Variants in GRIP2 observed in about 807,000 individuals in gnomAD.
GRIP2 encodes the protein glutamate receptor-interacting protein 2.
GRIP2 carries 58 observed loss-of-function variants against 108.3 expected under a neutral mutation model. That is an observed-to-expected ratio of 0.54 (90% CI 0.43 to 0.67). The LOEUF (loss-of-function observed/expected upper bound fraction) is 0.67, where lower values mean the gene tolerates loss of function less well. Ranked by LOEUF, GRIP2 falls within the 30% of genes least tolerant of loss-of-function variation. The pLI, the probability that GRIP2 is intolerant of heterozygous loss-of-function variation, is 0.00. For missense variants in GRIP2, 1,278 were observed against 1,430.6 expected, an observed-to-expected ratio of 0.89 and a Z score of 1.72; for synonymous variants, 586 against 598.2, an observed-to-expected ratio of 0.98 and a Z score of 0.30.
At chr3:14,598,990 G>GCGGGACTCTATTCTA in the GRIP2 span, among the ~76,000 whole-genome samples, 92 of 152,000 alleles carry the variant, frequency 6.1e-4, no homozygotes, top group Non-Finnish European at 1.2e-3. Context: ...GCACCCTCCC[G>GCGGGACTCTATTCTA]CGGGACTCTC....
chr3:14,514,417 C>A lies in GRIP2; in HGVS notation c.1368G>T (p.Glu456Asp), dbSNP rs1257452983. 1 of 1,574,270 alleles carries A rather than the reference C, an allele frequency of 6.4e-7. No individual in the cohort carries two copies. The highest frequency in any genetic ancestry group is 8.6e-7 in the Non-Finnish European group (1 of 1,161,372). ...GGQIVHTETTEVVLCGDPLSG... is the reference protein window; with the variant it reads ...GGQIVHTETTDVVLCGDPLSG... ...TGAGGGGGTCTCCACAGAGCACGAC[C>A]TCCGTGGTCTCCGTGTGCACAATCT... The change falls in exon 12 of 24, where the codon GAG (glutamate) becomes GAT (aspartate). Residue 456 changes from glutamate (E) to aspartate (D), a missense_variant. Transcript: ENST00000621039.
chr3:14,535,708 G>T (rs1303990812), intron 1 of GRIP2, among the ~76,000 whole-genome samples: 3 of 152,250 alleles, frequency 2.0e-5, no homozygotes, highest in Non-Finnish European at 1.5e-5. Context: ...CTGCCCAGGG[G>T]CACAGAGCTT....
At chr3:14,532,589 C>A (rs966104256) in intron 1 of GRIP2, among the ~76,000 whole-genome samples, 6 of 152,124 alleles carry the variant, frequency 3.9e-5, no homozygotes, top group African/African-American at 1.4e-4. Context: ...AACCATATCG[C>A]CCCCAACAGA....
chr3:14,562,116 T>C, the GRIP2 span, among the ~76,000 whole-genome samples: 1 of 151,934 alleles, frequency 6.6e-6, no homozygotes, highest in African/African-American at 2.4e-5. Context: ...AGTACCGGAG[T>C]ACAGAAGTTG....
the GRIP2 span, among the ~76,000 whole-genome samples, chr3:14,563,315 A>T: frequency 1.3e-5 from 2 of 152,238 alleles, no homozygotes; most frequent in Non-Finnish European, 2.9e-5. Flanking sequence ...AAAATGCCTC[A>T]AGGGTATTTC....
Position 14,540,289 on chromosome 3 carries a change from C to T in GRIP2, c.20G>A (p.Arg7Gln), listed in dbSNP as rs766011095. Reference protein sequence around the residue: MLCGLSRETPGEADDGP... With the variant: MLCGLSQETPGEADDGP... ...CGTACCCGCCTCTCCAGGGGTCTCCCGGCTGAGCCCACACAGCATGTTCGC... is the reference window on the plus strand; with the variant it reads ...CGTACCCGCCTCTCCAGGGGTCTCCTGGCTGAGCCCACACAGCATGTTCGC... Residue 7 changes from arginine to glutamine, a missense_variant, in exon 1 of 24, where the codon CGG (arginine) becomes CAG (glutamine). Arg to Gln is a conservative substitution (Grantham distance 43). Coordinates refer to ENST00000621039, the MANE Select transcript of GRIP2 (RefSeq NM_001080423.4). The surrounding 1 kb of genome is among the most constrained non-coding windows in gnomAD (Gnocchi z 4.1). 20 of 1,613,654 alleles carry T rather than the reference C, an allele frequency of 1.2e-5. No individual in the cohort carries two copies. Among genetic ancestry groups the T allele is most frequent in the Middle Eastern group, 1.6e-4 (1 of 6,082 alleles).
At chr3:14,542,328 A>ATT (rs56268285), upstream of GRIP2, among the ~76,000 whole-genome samples, 1 of 151,408 alleles carries the variant, frequency 6.6e-6, no homozygotes, top group East Asian at 1.9e-4. Context: ...TAAGTTTTAC[A>ATT]TTTTTTGTAG....
chr3:14,504,150 A>G (rs1216754415), intron 20 of GRIP2, among the ~76,000 whole-genome samples: 1 of 152,164 alleles, frequency 6.6e-6, no homozygotes, highest in Non-Finnish European at 1.5e-5. Flanking sequence ...GAGACCACCC[A>G]TAACTCCCAT....
Position 14,511,897 on chromosome 3 carries a change from G to A in GRIP2, c.1721-418C>T, listed in dbSNP as rs973347689. On this transcript the variant is annotated intron_variant, in intron 14 of 23. Transcript: ENST00000621039. The surrounding 1 kb of genome is among the most constrained non-coding windows in gnomAD (Gnocchi z 4.1). Reference sequence around the variant, plus strand: ...CTCTATTGTGTGCTTGGGGGTGGGAGACACAGAAGTGAACAAAACAGACAG... The same window carrying A: ...CTCTATTGTGTGCTTGGGGGTGGGAAACACAGAAGTGAACAAAACAGACAG... Among the ~76,000 whole-genome samples, 6 of 152,188 alleles carry A rather than the reference G, an allele frequency of 3.9e-5. No individual in the cohort carries two copies. The highest frequency in any genetic ancestry group is 7.3e-5 in the Non-Finnish European group (5 of 68,034).
In GRIP2 at chr3:14,517,064, A is replaced by G. The variant is rs764938587; in HGVS notation, c.1306T>C (p.Leu436=). ...GAGGAGGGAAGAGACCACAGCTTAC[A>G]CGAGCTCTTGTGTTCCCTTCTTCGC... is the stretch of plus-strand genomic sequence containing the variant. The part of the protein sequence containing the change: ...RQRRREHKSS[L]SLASSTVGPG... Residue 436 remains leucine (L), a splice_region_variant and synonymous_variant, in exon 11 of 24, where the codon TTG becomes CTG. Transcript: ENST00000621039. 1 of 1,559,384 alleles carries G rather than the reference A, an allele frequency of 6.4e-7. No homozygotes were observed. The highest frequency in any genetic ancestry group is 8.7e-7 in the Non-Finnish European group (1 of 1,153,636).
chr3:14,530,702 T>C (rs184959813), intron 1 of GRIP2, among the ~76,000 whole-genome samples: 2 of 152,206 alleles, frequency 1.3e-5, no homozygotes, highest in African/African-American at 4.8e-5. Flanking sequence ...CGTTTTATAT[T>C]CTGAGCTTAA....
At position 14,521,081 on chromosome 3, in the gene GRIP2, G is replaced by T; in HGVS notation, c.713-544C>A. 1 of 166,144 alleles carries T rather than the reference G, an allele frequency of 6.0e-6. No homozygotes were observed. Among genetic ancestry groups the T allele is most frequent in the Admixed American group, 5.8e-5 (1 of 17,378 alleles). The allele number at this position is 166,144 out of a possible 1,614,324, so 10.3% of individuals were successfully genotyped here. ...CTTAGCTCTCGCTTGGACAGCTGCT[G>T]CCGCTTCCTATGGCCTCCCGGCTTC... On this transcript the variant is annotated intron_variant, in intron 7 of 23. Transcript: ENST00000621039. This position sits in a 1 kb window ranked among gnomAD's most constrained non-coding sequence, Gnocchi z 5.1.
upstream of GRIP2, among the ~76,000 whole-genome samples, chr3:14,542,659 G>A (rs1332723217): frequency 3.9e-5 from 6 of 152,170 alleles, no homozygotes; most frequent in East Asian, 1.9e-4. Flanking sequence ...CTTCTGTGGC[G>A]TTTCTCTGAG....
intron 5 of GRIP2, 124 bp downstream of exon 5, chr3:14,523,488 T>G (rs1694468632): frequency 1.4e-6 from 1 of 706,844 alleles, no homozygotes. Context: ...TTAACGGTCC[T>G]GTGTTCTTCA....
intron 2 of GRIP2, 123 bp from the exon 3 acceptor site, chr3:14,525,695 G>A: frequency 4.5e-6 from 6 of 1,341,058 alleles, no homozygotes; most frequent in Non-Finnish European, 6.3e-6. Context: ...CCTGGGTGAT[G>A]ATCACCTCCT....
the GRIP2 span, among the ~76,000 whole-genome samples, chr3:14,585,107 C>A: frequency 6.6e-6 from 1 of 152,350 alleles, no homozygotes. Flanking sequence ...TCACTGCAAG[C>A]TTTGCCTCCC....
chr3:14,538,116 A>C (rs958237335), intron 1 of GRIP2, among the ~76,000 whole-genome samples: 6 of 152,182 alleles, frequency 3.9e-5, no homozygotes, highest in African/African-American at 9.6e-5. Flanking sequence ...CATCAGGAGC[A>C]GAGAAAGGGC....
chr3:14,551,023 C>A (rs77391500), intron 1 of GRIP2, among the ~76,000 whole-genome samples: 10,500 of 152,046 alleles, frequency 0.069, 499 homozygotes, highest in South Asian at 0.23. Context: ...AGTGAGTGAG[C>A]GGGAGGGGGG....
At chr3:14,499,088 G>A (rs1489070661) in intron 21 of GRIP2, among the ~76,000 whole-genome samples, 2 of 152,174 alleles carry the variant, frequency 1.3e-5, no homozygotes, top group Non-Finnish European at 2.9e-5. Flanking sequence ...CAGGCGGGGA[G>A]GGGGAGGATC....
Sources: gnomAD v4.1 joint callset for allele counts (sites outside exome capture counted in the v4.1 genomes callset) on GRCh38, gnomAD v4.1.1 for gene constraint, Gnocchi (gnomAD v3.1) non-coding constraint, MANE v1.5 for transcripts, NCBI Gene and HGNC (gene_info 2026-07-23, HGNC 2026-07-21) for gene names.